ENTREP2: variants seen among roughly 807,000 people sequenced by gnomAD.
The protein encoded by ENTREP2 is endosomal transmembrane epsin interactor 2.
the ENTREP2 span, among the ~76,000 whole-genome samples, chr15:29,549,461 G>A: frequency 3.3e-5 from 5 of 151,986 alleles, no homozygotes; most frequent in African/African-American, 9.7e-5. Context: ...TAGTAGAGAC[G>A]GGGTTTCACC....
the ENTREP2 span, among the ~76,000 whole-genome samples, chr15:29,300,621 T>C: frequency 6.6e-6 from 1 of 152,164 alleles, no homozygotes; most frequent in Non-Finnish European, 1.5e-5. Context: ...TCTTTTGAGA[T>C]GGAGTCTCGC....
At chr15:29,548,024 C>A in the ENTREP2 span, among the ~76,000 whole-genome samples, 1 of 152,030 alleles carries the variant, frequency 6.6e-6, no homozygotes, top group African/African-American at 2.4e-5. Flanking sequence ...TGTAAAATAA[C>A]CAAATTCATA....
chr15:29,654,623 T>G, the ENTREP2 span, among the ~76,000 whole-genome samples: 1 of 152,212 alleles, frequency 6.6e-6, no homozygotes, highest in African/African-American at 2.4e-5. Context: ...GATGGTGAGA[T>G]CCATATCTCT....
the ENTREP2 span, among the ~76,000 whole-genome samples, chr15:29,444,188 A>AC: frequency 0.079 from 8,508 of 107,322 alleles, 723 homozygotes; most frequent in Non-Finnish European, 0.096. Flanking sequence ...GAAAGAAAGA[A>AC]AGAAAGAAAG....
chr15:29,326,045 A>C, the ENTREP2 span, among the ~76,000 whole-genome samples: 4 of 152,050 alleles, frequency 2.6e-5, no homozygotes, highest in East Asian at 5.8e-4. Context: ...CTCATTTATG[A>C]AAGAAAATTC....
the ENTREP2 span, among the ~76,000 whole-genome samples, chr15:29,519,327 A>T: frequency 6.6e-6 from 1 of 151,860 alleles, no homozygotes. Context: ...TTTTTCCATC[A>T]AAGTTACACT....
the ENTREP2 span, among the ~76,000 whole-genome samples, chr15:29,131,278 T>C: frequency 1.3e-5 from 2 of 152,084 alleles, no homozygotes; most frequent in South Asian, 4.2e-4. Context: ...ACAGATTTTA[T>C]GTGGATCGTA....
At chr15:29,442,743 G>A in the ENTREP2 span, among the ~76,000 whole-genome samples, 1 of 152,208 alleles carries the variant, frequency 6.6e-6, no homozygotes, top group African/African-American at 2.4e-5. Context: ...GTCAGCCTCA[G>A]CGATGGGGCT....
the ENTREP2 span, among the ~76,000 whole-genome samples, chr15:29,472,871 G>A: frequency 6.6e-6 from 1 of 152,186 alleles, no homozygotes; most frequent in Non-Finnish European, 1.5e-5. Flanking sequence ...TTAGGTTTAA[G>A]CATACAAGTA....
the ENTREP2 span, among the ~76,000 whole-genome samples, chr15:29,327,578 G>C: frequency 1.4e-5 from 2 of 140,038 alleles, no homozygotes; most frequent in Non-Finnish European, 3.0e-5. Flanking sequence ...CTGTGCGACA[G>C]AGCAAGACCC....
chr15:29,133,706 C>T, the ENTREP2 span, among the ~76,000 whole-genome samples: 96 of 152,318 alleles, frequency 6.3e-4, no homozygotes, highest in African/African-American at 2.3e-3. Flanking sequence ...TGCCTTTCTC[C>T]TGCCACCTGC....
the ENTREP2 span, chr15:29,123,169 A>C: frequency 1.3e-5 from 8 of 621,980 alleles, no homozygotes; most frequent in South Asian, 8.9e-5. Context: ...CCCTCGAGAG[A>C]GGGGGTAACA....
chr15:29,361,085 T>TG, the ENTREP2 span, among the ~76,000 whole-genome samples: 8 of 152,006 alleles, frequency 5.3e-5, no homozygotes, highest in Non-Finnish European at 1.0e-4. Context: ...GTTGTTCTGC[T>TG]GGCCTGCAAG....
At chr15:29,372,506 A>G in the ENTREP2 span, among the ~76,000 whole-genome samples, 1 of 152,160 alleles carries the variant, frequency 6.6e-6, no homozygotes, top group Non-Finnish European at 1.5e-5. Flanking sequence ...ATTTTCAACT[A>G]CATGAGGGGT....
the ENTREP2 span, among the ~76,000 whole-genome samples, chr15:29,182,944 G>A: frequency 5.9e-5 from 9 of 152,032 alleles, no homozygotes; most frequent in African/African-American, 1.7e-4. Flanking sequence ...AACTAGATCC[G>A]TATCTCACAA....
At chr15:29,342,680 G>A in the ENTREP2 span, among the ~76,000 whole-genome samples, 2 of 152,144 alleles carry the variant, frequency 1.3e-5, no homozygotes, top group Admixed American at 1.3e-4. Context: ...TGCCTGACAT[G>A]GCAGGTGACA....
At chr15:29,622,269 G>C in the ENTREP2 span, among the ~76,000 whole-genome samples, 1 of 152,162 alleles carries the variant, frequency 6.6e-6, no homozygotes, top group African/African-American at 2.4e-5. Context: ...GCAATGGCAT[G>C]ATCTCGGCTT....
the ENTREP2 span, among the ~76,000 whole-genome samples, chr15:29,228,136 T>C: frequency 1.1e-3 from 171 of 152,120 alleles, no homozygotes; most frequent in Non-Finnish European, 2.3e-3. Flanking sequence ...CTGGCCAACA[T>C]TGTGAAACCC....
At chr15:29,329,158 C>G in the ENTREP2 span, among the ~76,000 whole-genome samples, 6 of 151,992 alleles carry the variant, frequency 3.9e-5, no homozygotes, top group African/African-American at 1.4e-4. Flanking sequence ...GTCAGGGGAT[C>G]GAGACCATCC....
Sources: allele counts gnomAD v4.1 joint callset (sites outside exome capture counted in the v4.1 genomes callset), GRCh38; gene constraint gnomAD v4.1.1; transcripts MANE v1.5; gene names NCBI Gene and HGNC (gene_info 2026-07-23, HGNC 2026-07-21).